NDNF: variants seen among roughly 807,000 people sequenced by gnomAD.
NDNF encodes the protein neuron derived neurotrophic factor, also known as protein NDNF.
In NDNF, 16 loss-of-function variants were observed where a neutral mutation model predicts 42.0. That is an observed-to-expected ratio of 0.38 (90% confidence interval 0.26 to 0.58). The LOEUF is 0.58. Ranked by LOEUF, NDNF falls within the 20% of genes least tolerant of loss-of-function variation. The pLI is 0.67. For missense variants in NDNF, 616 were observed against 666.2 expected (o/e 0.92, Z 0.83); for synonymous variants, 248 against 251.7 (o/e 0.99, Z 0.14).
chr4:121,037,406 G>C lies in NDNF; in HGVS notation c.565C>G (p.Arg189Gly), dbSNP rs201235432. 6.2e-7 allele frequency: 1 copy of C among 1,614,020 alleles called. No individual in the cohort carries two copies. Among genetic ancestry groups the C allele is most frequent in the African/African-American group, 1.3e-5 (1 of 74,898 alleles). ...DPRVDVTSLG[R>G]TTVTLAWKPS... is the part of the protein sequence containing the mutation. ...TTCCAGGCCAAAGTGACCGTGGTGC[G>C]CCCCAGTGAGGTCACATCTACTCTT... The change falls in exon 4 of 4, where the codon CGC becomes GGC. Residue 189 changes from arginine (R) to glycine (G), a missense_variant. Transcript: ENST00000379692.
intron 1 of NDNF, among the ~76,000 whole-genome samples, chr4:121,070,030 A>G (rs988045731): frequency 1.1e-4 from 16 of 152,360 alleles, no homozygotes; most frequent in African/African-American, 3.6e-4. Context: ...AAGATCATAG[A>G]TTAAAACTGT....
rs188515457 is a variant in NDNF, at chr4:121,062,394, C to T, written c.-2+9599G>A. On this transcript the variant is annotated intron_variant, in intron 1 of 3. Coordinates refer to ENST00000379692, the MANE Select transcript of NDNF (RefSeq NM_024574.4). ...TATCTAGCAAAGGATTTAAGATGCA[C>T]GTGTTGAGATCAGAGCACTGAGGAT... Among the ~76,000 whole-genome samples the T allele has an allele frequency of 1.4e-4, 22 of 152,278 alleles. No individual in the cohort carries two copies. In the East Asian group the frequency reaches 3.5e-3, roughly 24 times the overall value.
chr4:121,043,285 C>T (rs1302047984), intron 2 of NDNF, among the ~76,000 whole-genome samples: 1 of 152,124 alleles, frequency 6.6e-6, no homozygotes, highest in South Asian at 2.1e-4. Flanking sequence ...ATAATTAATG[C>T]ATTTGCTGTC....
At chr4:121,055,610 GAAGA>G (rs1327814118) in intron 1 of NDNF, among the ~76,000 whole-genome samples, 1 of 151,212 alleles carries the variant, frequency 6.6e-6, no homozygotes, top group Non-Finnish European at 1.5e-5. Context: ...GAAGGTATTA[GAAGA>G]AAGGAGAAAA....
intron 1 of NDNF, among the ~76,000 whole-genome samples, chr4:121,060,875 T>A (rs889866370): frequency 6.6e-6 from 1 of 152,202 alleles, no homozygotes; most frequent in Non-Finnish European, 1.5e-5. Flanking sequence ...TTAAAGAATG[T>A]GTGGTGGCCT....
chr4:121,056,857 T>C (rs1380124456), intron 1 of NDNF, among the ~76,000 whole-genome samples: 1 of 152,234 alleles, frequency 6.6e-6, no homozygotes, highest in African/African-American at 2.4e-5. Context: ...TCCCTAAAGT[T>C]TCCATCAAAG....
chr4:121,048,520 C>A (rs1366442328), intron 1 of NDNF, among the ~76,000 whole-genome samples: 2 of 152,058 alleles, frequency 1.3e-5, no homozygotes, highest in Non-Finnish European at 2.9e-5. Context: ...TAGGAAAGAA[C>A]TCTCTATTAA....
chr4:121,041,131 G>A (rs1464218131), intron 2 of NDNF, among the ~76,000 whole-genome samples: 3 of 152,134 alleles, frequency 2.0e-5, no homozygotes, highest in African/African-American at 7.2e-5. Flanking sequence ...GCTTTCCCCT[G>A]AGCCTTTATT....
rs370720714 is a variant in NDNF, at chr4:121,037,614, A to T, written c.357T>A (p.Asn119Lys). ...PLEQQKQQII[N>K]EEGTELFSYK... ...AGGAGAATAACTCAGTGCCTTCCTC[A>T]TTAATGATCTGCTGCTTCTGCTGCT... is the stretch of plus-strand genomic sequence containing the variant. Residue 119 changes from asparagine (N) to lysine (K), a missense_variant, in exon 4 of 4, where the codon AAT becomes AAA. By Grantham distance (94) the Asn-to-Lys change is moderately conservative (BLOSUM62 0). Coordinates refer to ENST00000379692, the MANE Select transcript of NDNF (RefSeq NM_024574.4). The T allele has an allele frequency of 2.5e-6, 4 of 1,602,786 alleles. No homozygotes were observed. Among genetic ancestry groups the T allele is most frequent in the Non-Finnish European group, 3.4e-6 (4 of 1,177,412 alleles).
intron 1 of NDNF, among the ~76,000 whole-genome samples, chr4:121,048,421 G>A (rs984262234): frequency 2.6e-5 from 4 of 152,214 alleles, no homozygotes; most frequent in Non-Finnish European, 5.9e-5. Flanking sequence ...AGCTGCCTAA[G>A]GACCCAGGGT....
At chr4:121,065,018 C>T (rs1227621758) in intron 1 of NDNF, among the ~76,000 whole-genome samples, 1 of 152,154 alleles carries the variant, frequency 6.6e-6, no homozygotes, top group African/African-American at 2.4e-5. Flanking sequence ...GTACTACAGC[C>T]TCAAACTCTT....
In NDNF at chr4:121,035,946, T is replaced by A; in HGVS notation, c.*318A>T. ...GGTGTGTGCAATGAATGGCATATTT[T>A]AAATTTTTAGGTAATAAAATAATTT... On this transcript the variant is annotated 3_prime_UTR_variant, in exon 4 of 4. Transcript: ENST00000379692. 1 of 220,616 alleles carries A rather than the reference T, an allele frequency of 4.5e-6. No homozygotes were observed. 13.7% of individuals were successfully genotyped at this position (220,616 alleles called of 1,614,324 possible). A position where few individuals can be genotyped will look rare whatever the true frequency, so the allele number is the denominator to read the frequency against.
chr4:121,046,688 A>G (rs919074083), intron 1 of NDNF, among the ~76,000 whole-genome samples: 3 of 152,246 alleles, frequency 2.0e-5, no homozygotes, highest in Admixed American at 1.3e-4. Flanking sequence ...TCCAGCAGAG[A>G]GTACTTTCAC....
intron 3 of NDNF, 134 bp downstream of exon 3, chr4:121,039,796 C>A: frequency 1.0e-6 from 1 of 990,200 alleles, no homozygotes; most frequent in Non-Finnish European, 1.4e-6. Context: ...CTTCCCTTAT[C>A]TCCGTCTCAT....
intron 1 of NDNF, among the ~76,000 whole-genome samples, chr4:121,049,598 T>G (rs1727155026): frequency 6.6e-6 from 1 of 152,158 alleles, no homozygotes; most frequent in African/African-American, 2.4e-5. Context: ...TTTATTAGCT[T>G]GCAAGTGGGC....
At chr4:121,047,227 T>C (rs1051935753) in intron 1 of NDNF, among the ~76,000 whole-genome samples, 4 of 152,254 alleles carry the variant, frequency 2.6e-5, no homozygotes, top group Non-Finnish European at 5.9e-5. Flanking sequence ...AATGTGGACA[T>C]GAGAGTTGGA....
intron 1 of NDNF, among the ~76,000 whole-genome samples, chr4:121,067,242 A>G (rs1200146226): frequency 6.6e-6 from 1 of 152,230 alleles, no homozygotes; most frequent in Non-Finnish European, 1.5e-5. Context: ...TTAAAAGAAG[A>G]ATTAAAAGAG....
intron 1 of NDNF, among the ~76,000 whole-genome samples, chr4:121,061,689 A>T (rs1228091306): frequency 6.6e-6 from 1 of 152,002 alleles, no homozygotes. Context: ...CGATTATGTA[A>T]TTTTTATTAT....
At chr4:121,048,035 C>T (rs180891061) in intron 1 of NDNF, among the ~76,000 whole-genome samples, 1 of 152,286 alleles carries the variant, frequency 6.6e-6, no homozygotes, top group Non-Finnish European at 1.5e-5. Flanking sequence ...GCTGTCTGTC[C>T]CTCCCCTCTG....
Sources: allele counts gnomAD v4.1 joint callset (sites outside exome capture counted in the v4.1 genomes callset), GRCh38; gene constraint gnomAD v4.1.1; transcripts MANE v1.5; gene names NCBI Gene and HGNC (gene_info 2026-07-23, HGNC 2026-07-21).